The following ARHGAP8 variants were observed in gnomAD, a reference collection of about 807,000 sequenced individuals.
ARHGAP8 encodes the protein rho GTPase-activating protein 8.
A neutral mutation model predicts 46.1 loss-of-function variants in ARHGAP8; 62 were observed. That is an observed-to-expected ratio of 1.34 (90% CI 1.10 to 1.66). The LOEUF is 1.66. Ranked by LOEUF, ARHGAP8 falls within the 40% of genes most tolerant of loss-of-function variation. The pLI is 0.00. For synonymous variants in ARHGAP8, 375 were observed against 243.1 expected, an observed-to-expected ratio of 1.54 and a Z score of -5.05; for missense variants, 923 against 568.4, an observed-to-expected ratio of 1.62 and a Z score of -6.34.
rs755225096 is a variant in ARHGAP8 at position 44,862,647 on chromosome 22, C to T, written c.*52C>T. ...GCTACCTCCCACACCTGTCTGTGCACTTGTATGTTTTGTAAACTTGGCATC... is the reference window on the plus strand; with the variant it reads ...GCTACCTCCCACACCTGTCTGTGCATTTGTATGTTTTGTAAACTTGGCATC... On this transcript the variant is annotated 3_prime_UTR_variant, in exon 12 of 12. Coordinates refer to ENST00000356099, the MANE Select transcript of ARHGAP8 (RefSeq NM_181335.3). 1.6e-5 allele frequency: 24 copies of T among 1,503,532 alleles called. No homozygotes were observed. The highest frequency in any genetic ancestry group is 1.3e-4 in the Admixed American group (6 of 44,564). The allele number at this position is 1,503,532 out of a possible 1,614,324, so 93.1% of individuals were successfully genotyped here.
chr22:44,772,222 CCT>C (rs1569136904), intron 1 of ARHGAP8, among the ~76,000 whole-genome samples: 2 of 7,760 alleles, frequency 2.6e-4, no homozygotes, highest in East Asian at 3.1e-3. Context: ...TACTGTTTTG[CCT>C]TTTTTTTTTT....
chr22:44,777,919 C>T (rs2147028387), intron 1 of ARHGAP8, among the ~76,000 whole-genome samples: 1 of 152,302 alleles, frequency 6.6e-6, no homozygotes, highest in South Asian at 2.1e-4. Flanking sequence ...TGTTCTCAAA[C>T]TCCTGACCTC....
Position 44,786,479 on chromosome 22 carries a change from G to A in ARHGAP8, c.-49G>A, listed in dbSNP as rs201502371. On this transcript the variant is annotated 5_prime_UTR_variant, in exon 2 of 12. Transcript: ENST00000356099. The stretch of plus-strand genomic sequence containing the variant: ...CAGAGCTGCAGAGAGACAAGGCGGC[G>A]GCGGCTGCTGTGCTGGGTGCAGTGA... 2.0e-5 allele frequency: 32 copies of A among 1,608,126 alleles called. No individual in the cohort carries two copies. In the Middle Eastern group the frequency reaches 8.3e-4, roughly 42 times the overall value.
At chr22:44,820,099 C>T (rs1336000984) in intron 5 of ARHGAP8, among the ~76,000 whole-genome samples, 1 of 152,200 alleles carries the variant, frequency 6.6e-6, no homozygotes, top group Admixed American at 6.5e-5. Context: ...CGCCAGACCT[C>T]CTGACTCAGA....
At chr22:44,841,420 C>T (rs536538249) in intron 7 of ARHGAP8, among the ~76,000 whole-genome samples, 4 of 152,254 alleles carry the variant, frequency 2.6e-5, no homozygotes, top group Non-Finnish European at 1.5e-5. Context: ...GAAGTAGAAG[C>T]AGAGGTGTCG....
At chr22:44,839,313 C>T (rs2147147866) in intron 7 of ARHGAP8, among the ~76,000 whole-genome samples, 1 of 152,306 alleles carries the variant, frequency 6.6e-6, no homozygotes, top group South Asian at 2.1e-4. Context: ...GATTGCTGCT[C>T]AGTGTCCCCA....
intron 11 of ARHGAP8, among the ~76,000 whole-genome samples, 185 bp from the exon 12 acceptor site, chr22:44,862,090 A>C (rs2070517316): frequency 6.6e-6 from 1 of 152,158 alleles, no homozygotes; most frequent in Non-Finnish European, 1.5e-5. Flanking sequence ...CCTTCCTTTT[A>C]GAGATAGGGT....
chr22:44,832,048 G>A (rs970220834), intron 7 of ARHGAP8, among the ~76,000 whole-genome samples: 15 of 151,968 alleles, frequency 9.9e-5, no homozygotes, highest in African/African-American at 3.6e-4. Context: ...CAATTTTGAG[G>A]GTATTGCCAT....
intron 1 of ARHGAP8, among the ~76,000 whole-genome samples, chr22:44,752,924 C>A (rs886487297): frequency 2.0e-5 from 3 of 151,920 alleles, no homozygotes; most frequent in African/African-American, 7.2e-5. Context: ...CCCCGCACCG[C>A]CTTCCCCGCC....
intron 7 of ARHGAP8, among the ~76,000 whole-genome samples, chr22:44,843,938 G>A (rs1193126456): frequency 6.6e-6 from 1 of 152,006 alleles, no homozygotes; most frequent in East Asian, 1.9e-4. Flanking sequence ...TAAAACTAGG[G>A]TCACTACAAA....
intron 1 of ARHGAP8, among the ~76,000 whole-genome samples, chr22:44,769,277 A>G (rs1337442775): frequency 2.0e-5 from 3 of 152,166 alleles, no homozygotes; most frequent in Non-Finnish European, 4.4e-5. Context: ...TCAGCTGAAC[A>G]TATATGTGGT....
intron 10 of ARHGAP8, among the ~76,000 whole-genome samples, chr22:44,851,163 A>G (rs2070082695): frequency 6.6e-6 from 1 of 152,086 alleles, no homozygotes; most frequent in African/African-American, 2.4e-5. Context: ...TCCGGTCATA[A>G]AGATACCAGA....
At chr22:44,837,356 G>A (rs564720362) in intron 7 of ARHGAP8, among the ~76,000 whole-genome samples, 10 of 152,302 alleles carry the variant, frequency 6.6e-5, no homozygotes, top group African/African-American at 2.2e-4. Flanking sequence ...GACGACTGTC[G>A]GAAAGCCAGG....
intron 7 of ARHGAP8, among the ~76,000 whole-genome samples, chr22:44,831,284 T>C (rs550805618): frequency 3.9e-5 from 6 of 152,286 alleles, no homozygotes; most frequent in African/African-American, 1.4e-4. Context: ...CTTCCAAGAG[T>C]TTTACCACTT....
chr22:44,833,100 T>TCTTTTCTTTTCTTC (rs1555917130), intron 7 of ARHGAP8, among the ~76,000 whole-genome samples: 22 of 127,144 alleles, frequency 1.7e-4, no homozygotes, highest in African/African-American at 5.1e-4. Flanking sequence ...TCTTTTCTTT[T>TCTTTTCTTTTCTTC]TTTTTTTTTT....
intron 7 of ARHGAP8, among the ~76,000 whole-genome samples, chr22:44,837,297 T>C (rs1931352607): frequency 6.6e-6 from 1 of 152,024 alleles, no homozygotes; most frequent in African/African-American, 2.4e-5. Context: ...AGGGGAGGGG[T>C]ACAAGCAAGA....
chr22:44,804,099 C>T (rs899410526), intron 3 of ARHGAP8, among the ~76,000 whole-genome samples: 2 of 152,010 alleles, frequency 1.3e-5, no homozygotes, highest in African/African-American at 4.8e-5. Context: ...CCATCACCCT[C>T]CTCAAAGCCA....
intron 2 of ARHGAP8, chr22:44,801,847 A>G: frequency 1.8e-6 from 1 of 566,730 alleles, no homozygotes; most frequent in Non-Finnish European, 3.1e-6. Flanking sequence ...TCTATCTGTA[A>G]AGTGGGGGGA....
chr22:44,782,430 G>A (rs1390093149), intron 1 of ARHGAP8, among the ~76,000 whole-genome samples: 1 of 152,160 alleles, frequency 6.6e-6, no homozygotes, highest in African/African-American at 2.4e-5. Context: ...TGTACCCACC[G>A]CTGCTAGTTA....
Sources: allele counts gnomAD v4.1 joint callset (sites outside exome capture counted in the v4.1 genomes callset), GRCh38; gene constraint gnomAD v4.1.1; transcripts MANE v1.5; gene names NCBI Gene and HGNC (gene_info 2026-07-23, HGNC 2026-07-21).